Variants in GADL1 observed in about 807,000 individuals in gnomAD.
The protein encoded by GADL1 is acidic amino acid decarboxylase GADL1.
GADL1 carries 71 observed loss-of-function variants against 69.5 expected under a neutral mutation model. The observed-to-expected ratio is 1.02, with a 90% CI of 0.84 to 1.25. The LOEUF (loss-of-function observed/expected upper bound fraction) is 1.25. Ranked by LOEUF, GADL1 falls within the 50% of genes most tolerant of loss-of-function variation. GADL1 has a pLI of 0.00. For synonymous variants in GADL1, 254 were observed against 214.4 expected (o/e 1.18, Z -1.62); for missense variants, 737 against 631.8 (o/e 1.17, Z -1.79).
At chr3:30,788,671 T>C (rs538617703) in intron 12 of GADL1, among the ~76,000 whole-genome samples, 1 of 152,322 alleles carries the variant, frequency 6.6e-6, no homozygotes, top group East Asian at 1.9e-4. Context: ...TCAAAATTAG[T>C]CAATCCTTTC....
chr3:30,773,737 T>C (rs1696472845), intron 14 of GADL1, among the ~76,000 whole-genome samples: 2 of 152,218 alleles, frequency 1.3e-5, no homozygotes, highest in African/African-American at 4.8e-5. Flanking sequence ...TTTAAAATAA[T>C]GCCTATGAAT....
At chr3:30,891,225 T>A (rs1698781741) in intron 1 of GADL1, among the ~76,000 whole-genome samples, 1 of 152,042 alleles carries the variant, frequency 6.6e-6, no homozygotes, top group Non-Finnish European at 1.5e-5. Context: ...GCTGCCCTTT[T>A]CCCTCAGAGC....
chr3:30,827,546 A>G (rs1269092653), intron 11 of GADL1, among the ~76,000 whole-genome samples: 2 of 151,854 alleles, frequency 1.3e-5, no homozygotes, highest in Non-Finnish European at 2.9e-5. Flanking sequence ...TTTGGTGGAG[A>G]AATAGATAAT....
chr3:30,880,006 C>G (rs914723798), intron 1 of GADL1, among the ~76,000 whole-genome samples: 1 of 148,012 alleles, frequency 6.8e-6, no homozygotes, highest in Non-Finnish European at 1.5e-5. Context: ...TCTTTCACAG[C>G]CAGACACTGC....
intron 11 of GADL1, among the ~76,000 whole-genome samples, chr3:30,831,527 A>G (rs921508872): frequency 6.6e-6 from 1 of 151,988 alleles, no homozygotes; most frequent in Admixed American, 6.6e-5. Flanking sequence ...GTCTGAAAGG[A>G]GTCACGTTTT....
intron 14 of GADL1, among the ~76,000 whole-genome samples, chr3:30,766,233 G>C (rs1407795889): frequency 6.6e-6 from 1 of 152,166 alleles, no homozygotes; most frequent in African/African-American, 2.4e-5. Flanking sequence ...TAGGCACAAG[G>C]CATCAGGGAT....
intron 11 of GADL1, among the ~76,000 whole-genome samples, chr3:30,821,340 AAAAAAAG>A (rs1697576484): frequency 7.3e-6 from 1 of 136,094 alleles, no homozygotes; most frequent in African/African-American, 3.3e-5. Context: ...AATAATAAAG[AAAAAAAG>A]AAAAGCCATT....
At chr3:30,854,374 G>A (rs911687048) in intron 4 of GADL1, among the ~76,000 whole-genome samples, 2 of 152,104 alleles carry the variant, frequency 1.3e-5, no homozygotes, top group Admixed American at 6.6e-5. Flanking sequence ...CAGAGTCAAG[G>A]TTTATTTGTG....
intron 1 of GADL1, among the ~76,000 whole-genome samples, chr3:30,875,826 CCTCA>C (rs1261299123): frequency 2.0e-5 from 3 of 151,750 alleles, no homozygotes; most frequent in African/African-American, 7.3e-5. Context: ...TGCAGTTTAT[CCTCA>C]CTCTCTTCTC....
At chr3:30,823,013 T>G (rs150452375) in intron 11 of GADL1, among the ~76,000 whole-genome samples, 1 of 151,952 alleles carries the variant, frequency 6.6e-6, no homozygotes, top group Admixed American at 6.6e-5. Context: ...GTGGCACATA[T>G]CAATTCTAAT....
chr3:30,838,687 C>T lies in GADL1; in HGVS notation c.903+310G>A, dbSNP rs147692807. Among the ~76,000 whole-genome samples, 409 of 152,206 alleles carry T rather than the reference C, an allele frequency of 2.7e-3. 1 individual carries two copies. Among genetic ancestry groups the T allele is most frequent in the African/African-American group, 9.2e-3 (384 of 41,554 alleles). ...ATCAGAATTTCAAACCAAAGTCTCT[C>T]GGCTCCCTAACCTAAAATGGGTGCC... is the stretch of plus-strand genomic sequence containing the variant. On this transcript the variant is annotated intron_variant, in intron 9 of 14. Coordinates refer to ENST00000282538, the MANE Select transcript of GADL1 (RefSeq NM_207359.3).
At chr3:30,872,260 C>G (rs1179227977) in intron 1 of GADL1, among the ~76,000 whole-genome samples, 1 of 151,884 alleles carries the variant, frequency 6.6e-6, no homozygotes, top group Non-Finnish European at 1.5e-5. Flanking sequence ...TCGATCATAT[C>G]CTTTAATGTG....
At chr3:30,796,470 C>T (rs1697034956) in intron 12 of GADL1, among the ~76,000 whole-genome samples, 1 of 152,176 alleles carries the variant, frequency 6.6e-6, no homozygotes, top group African/African-American at 2.4e-5. Context: ...ATCGTTACTA[C>T]TGAGAGCATC....
At chr3:30,798,501 A>G (rs1210400009) in intron 12 of GADL1, 4 of 152,168 alleles carry the variant, frequency 2.6e-5, no homozygotes, top group South Asian at 2.1e-4. Context: ...CATGATTCAT[A>G]TTATCTCCCA....
chr3:30,878,396 G>GC (rs1559367780), intron 1 of GADL1, among the ~76,000 whole-genome samples: 1 of 151,888 alleles, frequency 6.6e-6, no homozygotes, highest in African/African-American at 2.4e-5. Flanking sequence ...GAGAACATGA[G>GC]CAAGTAGTCT....
At chr3:30,769,736 C>T (rs535457602) in intron 14 of GADL1, among the ~76,000 whole-genome samples, 65 of 152,284 alleles carry the variant, frequency 4.3e-4, no homozygotes, top group African/African-American at 1.6e-3. Flanking sequence ...ACAAGGTCAC[C>T]GTCCTTAAAA....
intron 3 of GADL1, 77 bp from the exon 4 acceptor site, chr3:30,854,866 A>G (rs540437606): frequency 4.5e-5 from 33 of 735,190 alleles, no homozygotes; most frequent in Non-Finnish European, 6.4e-5. Flanking sequence ...ACATAAATGA[A>G]TCTTTCAGAA....
intron 1 of GADL1, among the ~76,000 whole-genome samples, chr3:30,885,737 A>C (rs1198646678): frequency 6.6e-6 from 1 of 151,764 alleles, no homozygotes; most frequent in Non-Finnish European, 1.5e-5. Flanking sequence ...TTTATTTTAA[A>C]TTTTATTTTA....
At chr3:30,796,238 A>G (rs1054124441) in intron 12 of GADL1, among the ~76,000 whole-genome samples, 2 of 152,212 alleles carry the variant, frequency 1.3e-5, no homozygotes, top group African/African-American at 4.8e-5. Context: ...AAAATCCACA[A>G]AAAGGGAACA....
Sources: gnomAD v4.1 joint callset for allele counts (sites outside exome capture counted in the v4.1 genomes callset) on GRCh38, gnomAD v4.1.1 for gene constraint, MANE v1.5 for transcripts, NCBI Gene and HGNC (gene_info 2026-07-23, HGNC 2026-07-21) for gene names.